Variants in UTP6 observed in about 807,000 individuals in gnomAD.
UTP6 encodes U3 small nucleolar RNA-associated protein 6 homolog.
A neutral mutation model predicts 96.5 loss-of-function variants in UTP6; 60 were observed. The ratio of observed to expected loss-of-function variants is 0.62; its 90% CI spans 0.51 to 0.77. The LOEUF (loss-of-function observed/expected upper bound fraction) is 0.77. Ranked by LOEUF, UTP6 falls within the 30% of genes least tolerant of loss-of-function variation. The probability of loss-of-function intolerance (pLI) is 0.00; values close to 1 mark genes in which losing one functional copy is unlikely to be tolerated. For missense variants in UTP6, 637 were observed against 706.5 expected (o/e 0.90, Z 1.12); for synonymous variants, 215 against 240.1 (o/e 0.90, Z 0.96).
At chr17:31,892,232 A>G (rs1904362106) in intron 6 of UTP6, 28 bp downstream of exon 6, 2 of 1,611,556 alleles carry the variant, frequency 1.2e-6, no homozygotes, top group East Asian at 4.5e-5. Flanking sequence ...AATAAAACAT[A>G]GAAAAATTGA....
intron 7 of UTP6, among the ~76,000 whole-genome samples, chr17:31,888,885 C>T (rs1911302167): frequency 6.6e-6 from 1 of 152,018 alleles, no homozygotes; most frequent in South Asian, 2.1e-4. Flanking sequence ...TCCTGGCTAA[C>T]ATGGTAAAAC....
At chr17:31,866,717 T>TAA (rs61684764) in intron 17 of UTP6, 1,576 of 109,214 alleles carry the variant, frequency 0.014, 92 homozygotes, top group African/African-American at 0.053. Flanking sequence ...AGACTCCGTC[T>TAA]AAAAAAAAAA....
intron 1 of UTP6, among the ~76,000 whole-genome samples, chr17:31,900,637 TTAA>T (rs1303925947): frequency 1.3e-5 from 2 of 152,214 alleles, no homozygotes; most frequent in Admixed American, 6.6e-5. Flanking sequence ...CACTTAAATT[TTAA>T]TAATAAATTT....
At chr17:31,897,469 T>TG (rs1358142392) in intron 2 of UTP6, among the ~76,000 whole-genome samples, 2 of 138,228 alleles carry the variant, frequency 1.4e-5, no homozygotes, top group African/African-American at 5.4e-5. Flanking sequence ...TTTTTTGAGA[T>TG]GGAGTTTCGC....
intron 2 of UTP6, among the ~76,000 whole-genome samples, chr17:31,896,903 C>A (rs1481546253): frequency 6.6e-6 from 1 of 152,042 alleles, no homozygotes; most frequent in Non-Finnish European, 1.5e-5. Context: ...TGAGCCGCCA[C>A]GCCCCTCCAG....
intron 5 of UTP6, 37 bp downstream of exon 5, chr17:31,892,709 AC>A (rs751019947): frequency 1.2e-6 from 2 of 1,613,582 alleles, no homozygotes; most frequent in South Asian, 2.2e-5. Context: ...TAACAAAAAG[AC>A]GGTCAGAGGA....
At chr17:31,865,010 TTTTGTTTG>T in intron 18 of UTP6, among the ~76,000 whole-genome samples, 1 of 151,718 alleles carries the variant, frequency 6.6e-6, no homozygotes, top group South Asian at 2.1e-4. Flanking sequence ...TAAGAAACAG[TTTTGTTTG>T]TTTGTTTGTT....
intron 4 of UTP6, among the ~76,000 whole-genome samples, chr17:31,893,819 C>T (rs1904472720): frequency 1.3e-5 from 2 of 151,726 alleles, no homozygotes; most frequent in African/African-American, 2.4e-5. Context: ...CAAAGGCCTC[C>T]GATCTCTTAA....
In UTP6 at chr17:31,867,240, G is replaced by C. The variant is rs1598093179; in HGVS notation, c.1563+806C>G. 3.3e-5 allele frequency among the ~76,000 whole-genome samples: 5 copies of C among 152,180 alleles called. No individual in the cohort carries two copies. In the South Asian group the frequency reaches 8.3e-4, roughly 25 times the overall value. On this transcript the variant is annotated intron_variant, in intron 17 of 18. Coordinates refer to ENST00000261708, the MANE Select transcript of UTP6 (RefSeq NM_018428.3). ...GATACTTGGCCTGCCAGGCGTGCTG[G>C]CTCACACCTGTAATCCCAGCACTTT...
In UTP6 at chr17:31,886,094, G is replaced by C. The variant is rs557087521; in HGVS notation, c.622-33C>G. The C allele has an allele frequency of 2.7e-5, 42 of 1,582,410 alleles. No homozygotes were observed. In the South Asian group the frequency reaches 4.7e-4, roughly 18 times the overall value. ...GTGTTATATCAAACGTAACTTAACA[G>C]GTAGTACAAGGAGGAAAAGCACTAG... On this transcript the variant is annotated intron_variant, in intron 8 of 18. Transcript: ENST00000261708.
intron 5 of UTP6, among the ~76,000 whole-genome samples, 163 bp from the exon 6 acceptor site, chr17:31,892,486 T>G (rs1904378079): frequency 6.6e-6 from 1 of 152,212 alleles, no homozygotes; most frequent in African/African-American, 2.4e-5. Flanking sequence ...ATTTTCTACC[T>G]CAATTAAACC....
intron 6 of UTP6, 39 bp from the exon 7 acceptor site, chr17:31,889,442 T>A: frequency 2.0e-6 from 3 of 1,504,928 alleles, no homozygotes. Flanking sequence ...TTCAATAAAT[T>A]AATCAAGTCA....
chr17:31,873,663 G>A lies in UTP6; in HGVS notation c.1386+10C>T. The A allele has an allele frequency of 1.2e-6, 2 of 1,613,866 alleles. No individual in the cohort carries two copies. Among genetic ancestry groups the A allele is most frequent in the South Asian group, 1.1e-5 (1 of 91,028 alleles). On this transcript the variant is annotated intron_variant, in intron 15 of 18. Coordinates refer to ENST00000261708, the MANE Select transcript of UTP6 (RefSeq NM_018428.3). ...CCCACACCACAAGACTTGGAACACG[G>A]AGCCTATACCTTAAAGACTGCCTCA...
chr17:31,873,583 C>A, intron 15 of UTP6, 90 bp downstream of exon 15: 1 of 1,604,532 alleles, frequency 6.2e-7, no homozygotes, highest in South Asian at 1.1e-5. Context: ...CTCCATAGTG[C>A]TTTAGGCGCA....
chr17:31,894,902 T>A (rs1406661260), intron 3 of UTP6, 68 bp downstream of exon 3: 7 of 1,402,266 alleles, frequency 5.0e-6, no homozygotes, highest in Non-Finnish European at 6.0e-6. Flanking sequence ...CAAACACAAG[T>A]CCTAACTATA....
At chr17:31,886,266 G>A (rs1364411729) in intron 8 of UTP6, among the ~76,000 whole-genome samples, 2 of 152,212 alleles carry the variant, frequency 1.3e-5, no homozygotes, top group African/African-American at 4.8e-5. Context: ...GGCTCCAAGA[G>A]TGGTGGCAAG....
chr17:31,892,676 G>A (rs1904390199), intron 5 of UTP6, 71 bp downstream of exon 5: 1 of 1,589,428 alleles, frequency 6.3e-7, no homozygotes, highest in South Asian at 1.1e-5. Flanking sequence ...AAAAACATCT[G>A]GCATGAAGCT....
intron 18 of UTP6, among the ~76,000 whole-genome samples, 165 bp downstream of exon 18, chr17:31,865,201 C>CG (rs1457775800): frequency 1.3e-5 from 2 of 152,064 alleles, no homozygotes; most frequent in African/African-American, 4.8e-5. Context: ...TTAGTAGAGA[C>CG]GGGGTTTCAC....
At chr17:31,873,125 G>A (rs1014298998) in intron 16 of UTP6, 16 of 339,952 alleles carry the variant, frequency 4.7e-5, no homozygotes, top group African/African-American at 2.0e-4. Context: ...GTGGTGGCAG[G>A]TGCCTGTAAT....
Sources: gnomAD v4.1 joint callset for allele counts (sites outside exome capture counted in the v4.1 genomes callset) on GRCh38, gnomAD v4.1.1 for gene constraint, MANE v1.5 for transcripts, NCBI Gene and HGNC (gene_info 2026-07-23, HGNC 2026-07-21) for gene names.